Variants in WNT5A observed in about 807,000 individuals in gnomAD.
WNT5A encodes the protein Wnt family member 5A.
In WNT5A, 9 loss-of-function variants were observed where a neutral mutation model predicts 42.1. The ratio of observed to expected loss-of-function variants is 0.21; its 90% CI spans 0.13 to 0.37. The LOEUF (loss-of-function observed/expected upper bound fraction) is 0.37. Ranked by LOEUF, WNT5A falls within the 10% of genes least tolerant of loss-of-function variation. WNT5A has a pLI of 1.00. For synonymous variants in WNT5A, 210 were observed against 210.0 expected, an observed-to-expected ratio of 1.00 and a Z score of 0.00; for missense variants, 426 against 534.0, an observed-to-expected ratio of 0.80 and a Z score of 1.99.
the WNT5A span, among the ~76,000 whole-genome samples, chr3:55,502,248 T>G: frequency 6.6e-6 from 1 of 152,232 alleles, no homozygotes; most frequent in Non-Finnish European, 1.5e-5. Flanking sequence ...TCAATCTTTT[T>G]TCGACCCCTT....
intron 4 of WNT5A, among the ~76,000 whole-genome samples, chr3:55,471,608 A>G (rs972904681): frequency 1.3e-5 from 2 of 152,262 alleles, no homozygotes; most frequent in African/African-American, 4.8e-5. Flanking sequence ...CACTCAGGAA[A>G]TCTGGTCTTT....
chr3:55,482,313 C>T (rs1213250246), intron 1 of WNT5A, among the ~76,000 whole-genome samples: 1 of 152,212 alleles, frequency 6.6e-6, no homozygotes, highest in African/African-American at 2.4e-5. Flanking sequence ...CTGTAGGCGG[C>T]GGCGGAGCGA....
At position 55,469,829 on chromosome 3, in the gene WNT5A, A is replaced by G; in HGVS notation, c.*263T>C. 5.0e-6 allele frequency: 2 copies of G among 399,896 alleles called. No individual in the cohort carries two copies. The highest frequency in any genetic ancestry group is 9.0e-6 in the Non-Finnish European group (2 of 223,414). The allele number at this position is 399,896 out of a possible 1,614,324, so 24.8% of individuals were successfully genotyped here. ...TGTTATTTCCCCTTCATTCTATACT[A>G]TCAAAAGAAGTCTTGTATTACCTTT... is the stretch of plus-strand genomic sequence containing the variant. On this transcript the variant is annotated 3_prime_UTR_variant, in exon 5 of 5. Transcript: ENST00000264634.
At chr3:55,501,836 CT>C in the WNT5A span, 1 of 152,202 alleles carries the variant, frequency 6.6e-6, no homozygotes, top group Admixed American at 6.5e-5. Context: ...GTAAAAGGCC[CT>C]GCCCCTCCAA....
At position 55,470,089 on chromosome 3, in the gene WNT5A, C is replaced by G; in HGVS notation, c.*3G>C. 1 of 1,613,984 alleles carries G rather than the reference C, an allele frequency of 6.2e-7. No individual in the cohort carries two copies. The highest frequency in any genetic ancestry group is 1.7e-5 in the Admixed American group (1 of 60,032). On this transcript the variant is annotated 3_prime_UTR_variant, in exon 5 of 5. Transcript: ENST00000264634. Reference sequence around the variant, plus strand: ...AGCGGGGCTGAGTGCTGGGTGGCACCCACTACTTGCACACAAACTGGTCCA... The same window carrying G: ...AGCGGGGCTGAGTGCTGGGTGGCACGCACTACTTGCACACAAACTGGTCCA...
chr3:55,471,544 G>T (rs1341544108), intron 4 of WNT5A, among the ~76,000 whole-genome samples: 1 of 152,254 alleles, frequency 6.6e-6, no homozygotes, highest in African/African-American at 2.4e-5. Context: ...TGTGGAAAGT[G>T]CTTGGCACTT....
In WNT5A at chr3:55,481,273, C is replaced by G. The variant is rs369767379; in HGVS notation, c.7-355G>C. 2.9e-5 allele frequency: 29 copies of G among 999,328 alleles called. No individual in the cohort carries two copies. In the East Asian group the frequency reaches 2.6e-3, roughly 89 times the overall value. The allele number at this position is 999,328 out of a possible 1,614,324, so 61.9% of individuals were successfully genotyped here. A position where few individuals can be genotyped will look rare whatever the true frequency, so the allele number is the denominator to read the frequency against. Reference sequence around the variant, plus strand: ...CCCTCTAGTTGGTGCTGTGCTCAGTCCCTCCTGGGTAATTCACTCAGGAAC... The same window carrying G: ...CCCTCTAGTTGGTGCTGTGCTCAGTGCCTCCTGGGTAATTCACTCAGGAAC... On this transcript the variant is annotated intron_variant, in intron 1 of 4. Coordinates refer to ENST00000264634, the MANE Select transcript of WNT5A (RefSeq NM_003392.7).
At chr3:55,486,857 T>G in intron 1 of WNT5A, 123 bp downstream of exon 1, 2 of 778,446 alleles carry the variant, frequency 2.6e-6, no homozygotes, top group South Asian at 2.9e-5. Context: ...GACGCTGGAG[T>G]TCCAGCTTCT....
upstream of WNT5A, chr3:55,487,763 C>T (rs891716309): frequency 4.6e-5 from 7 of 152,308 alleles, no homozygotes; most frequent in Admixed American, 2.6e-4. Context: ...GCTGAAAACG[C>T]ACAAGTCGCC....
At position 55,487,175 on chromosome 3, in the gene WNT5A, AGTTGG is replaced by A; in HGVS notation, c.-195_-191del. On this transcript the variant is annotated 5_prime_UTR_variant, in exon 1 of 5. Transcript: ENST00000264634. ...ACTGGCGCCCGGGCCTGGACTCCCGAGTTGGGGCAGAGCTGGGATGCGCCCAGGAA... is the reference window on the plus strand; with the variant it reads ...ACTGGCGCCCGGGCCTGGACTCCCGAGGCAGAGCTGGGATGCGCCCAGGAA... 1 of 586,500 alleles carries A rather than the reference AGTTGG, an allele frequency of 1.7e-6. No homozygotes were observed. Among genetic ancestry groups the A allele is most frequent in the East Asian group, 2.9e-5 (1 of 34,498 alleles). 36.3% of individuals were successfully genotyped at this position (586,500 alleles called of 1,614,324 possible). A position where few individuals can be genotyped will look rare whatever the true frequency, so the allele number is the denominator to read the frequency against.
chr3:55,490,907 G>A (rs775630888), upstream of WNT5A, among the ~76,000 whole-genome samples: 6 of 152,212 alleles, frequency 3.9e-5, no homozygotes, highest in Admixed American at 1.3e-4. Flanking sequence ...CAACAAAACC[G>A]TCTAGTCCCA....
chr3:55,487,181 G>A lies in WNT5A; in HGVS notation c.-196C>T. The A allele has an allele frequency of 1.7e-6, 1 of 579,800 alleles. No homozygotes were observed. The highest frequency in any genetic ancestry group is 2.1e-5 in the South Asian group (1 of 48,188). 35.9% of individuals were successfully genotyped at this position (579,800 alleles called of 1,614,324 possible). The stretch of plus-strand genomic sequence containing the variant: ...GCCCGGGCCTGGACTCCCGAGTTGG[G>A]GCAGAGCTGGGATGCGCCCAGGAAT... On this transcript the variant is annotated 5_prime_UTR_variant, in exon 1 of 5. Coordinates refer to ENST00000264634, the MANE Select transcript of WNT5A (RefSeq NM_003392.7).
rs141101165 is a variant in WNT5A, at chr3:55,484,860, G to T, written c.6+2120C>A. Among the ~76,000 whole-genome samples, 4 of 152,312 alleles carry T rather than the reference G, an allele frequency of 2.6e-5. No individual in the cohort carries two copies. In the East Asian group the frequency reaches 5.8e-4, roughly 22 times the overall value. ...ATAGTCCAACCCCCACTCTTTAAAGGTAGTTTCTCTCCCACTTTTTAATAG... is the reference window on the plus strand; with the variant it reads ...ATAGTCCAACCCCCACTCTTTAAAGTTAGTTTCTCTCCCACTTTTTAATAG... On this transcript the variant is annotated intron_variant, in intron 1 of 4. Coordinates refer to ENST00000264634, the MANE Select transcript of WNT5A (RefSeq NM_003392.7).
In WNT5A at chr3:55,468,086, G is replaced by C. The variant is rs1213266131; in HGVS notation, c.*2006C>G. The C allele has an allele frequency of 6.8e-6, 1 of 147,516 alleles. No homozygotes were observed. Among genetic ancestry groups the C allele is most frequent in the African/African-American group, 2.5e-5 (1 of 40,176 alleles). 9.1% of individuals were successfully genotyped at this position (147,516 alleles called of 1,614,324 possible). ...TTTCCAAACTTTTAAAACAACGTAA[G>C]TCTGAGATAAGAACATATTTGATGG... On this transcript the variant is annotated 3_prime_UTR_variant, in exon 5 of 5. Transcript: ENST00000264634.
At chr3:55,476,792 C>T (rs1315034578) in intron 3 of WNT5A, among the ~76,000 whole-genome samples, 1 of 152,142 alleles carries the variant, frequency 6.6e-6, no homozygotes, top group South Asian at 2.1e-4. Flanking sequence ...AGTTAGGTTT[C>T]CCTTCCTGTG....
At chr3:55,492,102 T>G (rs1351401257), upstream of WNT5A, among the ~76,000 whole-genome samples, 6 of 152,202 alleles carry the variant, frequency 3.9e-5, no homozygotes, top group African/African-American at 1.4e-4. Flanking sequence ...CTAACTTACT[T>G]ATGTGTTATA....
intron 1 of WNT5A, chr3:55,481,218 T>C (rs756701620): frequency 1.1e-6 from 1 of 873,220 alleles, no homozygotes; most frequent in Non-Finnish European, 1.4e-6. Context: ...GCCTCCTTCC[T>C]GCTCGCTCGA....
At chr3:55,475,311 T>C (rs1027092747) in intron 3 of WNT5A, among the ~76,000 whole-genome samples, 6 of 152,352 alleles carry the variant, frequency 3.9e-5, no homozygotes, top group African/African-American at 1.2e-4. Context: ...TTACAGAATT[T>C]GCTAGGCCTT....
At chr3:55,498,305 AT>A in the WNT5A span, among the ~76,000 whole-genome samples, 1 of 152,310 alleles carries the variant, frequency 6.6e-6, no homozygotes, top group East Asian at 1.9e-4. Flanking sequence ...TGGAAAACTC[AT>A]TAGATTATCT....
Sources: gnomAD v4.1 joint callset for allele counts (sites outside exome capture counted in the v4.1 genomes callset) on GRCh38, gnomAD v4.1.1 for gene constraint, MANE v1.5 for transcripts, NCBI Gene and HGNC (gene_info 2026-07-23, HGNC 2026-07-21) for gene names.